The following GRK3 variants were observed in gnomAD, a reference collection of about 807,000 sequenced individuals.
GRK3 encodes the protein G protein-coupled receptor kinase 3.
In GRK3, 54 loss-of-function variants were observed where a neutral mutation model predicts 95.7. The ratio of observed to expected loss-of-function variants is 0.56; its 90% CI spans 0.45 to 0.71. The LOEUF is 0.71. Among genes scored for constraint, GRK3 ranks in the 30% least tolerant of loss-of-function variants. The pLI is 0.00. For missense variants in GRK3, 649 were observed against 851.2 expected (o/e 0.76, Z 2.96); for synonymous variants, 281 against 290.8 (o/e 0.97, Z 0.34).
chr22:25,716,871 A>G (rs2085390183), intron 18 of GRK3, among the ~76,000 whole-genome samples: 1 of 152,242 alleles, frequency 6.6e-6, no homozygotes, highest in African/African-American at 2.4e-5. Context: ...GCCTCCTGTC[A>G]GATCAGCAGT....
intron 19 of GRK3, among the ~76,000 whole-genome samples, chr22:25,719,211 C>A (rs889928925): frequency 1.3e-5 from 2 of 149,386 alleles, no homozygotes; most frequent in Admixed American, 6.6e-5. Context: ...AAAAAAAAAA[C>A]TCCATGTGTT....
intron 4 of GRK3, among the ~76,000 whole-genome samples, chr22:25,663,096 A>G (rs1019119575): frequency 2.0e-5 from 3 of 152,128 alleles, no homozygotes; most frequent in African/African-American, 7.2e-5. Flanking sequence ...TTGTTGATGA[A>G]TGTATGCATT....
At chr22:25,679,503 C>T (rs893067771) in intron 9 of GRK3, among the ~76,000 whole-genome samples, 1 of 152,186 alleles carries the variant, frequency 6.6e-6, no homozygotes, top group Non-Finnish European at 1.5e-5. Context: ...ACATGTGTGA[C>T]CCCACTTTTA....
intron 17 of GRK3, among the ~76,000 whole-genome samples, chr22:25,713,700 C>G (rs150699555): frequency 1.3e-4 from 20 of 152,292 alleles, no homozygotes; most frequent in African/African-American, 4.1e-4. Flanking sequence ...TTTCTTTGCT[C>G]ATATTCAAAA....
intron 2 of GRK3, among the ~76,000 whole-genome samples, chr22:25,632,868 A>G (rs2084673452): frequency 6.6e-6 from 1 of 152,046 alleles, no homozygotes; most frequent in Non-Finnish European, 1.5e-5. Context: ...CTTTTCTCCA[A>G]CAGCATACTG....
At chr22:25,713,535 AT>A (rs1353327173) in intron 17 of GRK3, among the ~76,000 whole-genome samples, 1 of 151,982 alleles carries the variant, frequency 6.6e-6, no homozygotes, top group Non-Finnish European at 1.5e-5. Flanking sequence ...CCTTCTCAGT[AT>A]TTTGCCTGTT....
At chr22:25,716,395 G>T (rs1389363665) in intron 18 of GRK3, among the ~76,000 whole-genome samples, 1 of 152,160 alleles carries the variant, frequency 6.6e-6, no homozygotes, top group East Asian at 1.9e-4. Context: ...TCAAGGGGGG[G>T]TCATGGTGTC....
intron 14 of GRK3, 21 bp downstream of exon 14, chr22:25,703,597 A>T (rs1432569419): frequency 6.4e-7 from 1 of 1,561,528 alleles, no homozygotes; most frequent in Admixed American, 1.7e-5. Context: ...TCAAAACTGT[A>T]TTCTTGTCTG....
chr22:25,687,935 A>C (rs1024915749), intron 11 of GRK3, among the ~76,000 whole-genome samples: 3 of 152,210 alleles, frequency 2.0e-5, no homozygotes, highest in Non-Finnish European at 4.4e-5. Context: ...TTAGTTGATT[A>C]GTTAATGAAA....
chr22:25,676,801 C>G (rs1276342688), intron 8 of GRK3, among the ~76,000 whole-genome samples: 1 of 152,072 alleles, frequency 6.6e-6, no homozygotes, highest in Middle Eastern at 3.2e-3. Flanking sequence ...TTCTATAGAT[C>G]AAGTGTAGAT....
intron 2 of GRK3, among the ~76,000 whole-genome samples, chr22:25,642,517 A>G (rs1228408013): frequency 1.3e-5 from 2 of 152,168 alleles, no homozygotes; most frequent in African/African-American, 4.8e-5. Context: ...AGGGGGTACA[A>G]GTGCAATTTT....
At chr22:25,625,258 A>G (rs1047569970) in intron 2 of GRK3, among the ~76,000 whole-genome samples, 2 of 152,226 alleles carry the variant, frequency 1.3e-5, no homozygotes, top group Non-Finnish European at 2.9e-5. Flanking sequence ...AATATCATTA[A>G]TCATTAGTTT....
intron 2 of GRK3, among the ~76,000 whole-genome samples, chr22:25,622,417 G>T (rs887530819): frequency 3.9e-5 from 6 of 152,202 alleles, no homozygotes; most frequent in Non-Finnish European, 8.8e-5. Context: ...GCTTACATAG[G>T]TTAGTTGTTT....
At chr22:25,583,651 A>C (rs1288998789) in intron 1 of GRK3, among the ~76,000 whole-genome samples, 2 of 152,204 alleles carry the variant, frequency 1.3e-5, no homozygotes, top group Non-Finnish European at 2.9e-5. Context: ...TGTCTGGCTC[A>C]GGGTAAGGAT....
intron 2 of GRK3, among the ~76,000 whole-genome samples, chr22:25,638,780 G>A (rs1386005763): frequency 6.6e-6 from 1 of 152,158 alleles, no homozygotes; most frequent in East Asian, 1.9e-4. Flanking sequence ...GAGGCATGGG[G>A]GACCCAAGGT....
At chr22:25,715,083 C>G (rs1435815903) in intron 18 of GRK3, 1 of 152,424 alleles carries the variant, frequency 6.6e-6, no homozygotes, top group African/African-American at 2.4e-5. Context: ...GTAAATGTCT[C>G]CCATTCAAGT....
rs182749030 is a variant in GRK3, at chr22:25,603,359, T to G, written c.114-1018T>G. 3.8e-3 allele frequency among the ~76,000 whole-genome samples: 581 copies of G among 152,342 alleles called. 2 individuals carry two copies. Among genetic ancestry groups the G allele is most frequent in the Admixed American group, 6.7e-3 (103 of 15,308 alleles). On this transcript the variant is annotated intron_variant, in intron 1 of 20. Transcript: ENST00000324198. ...AGATTCAATTTTCTACTTTTTCCAT[T>G]TGGATAATCACTTTTGGGGTTCAGT...
intron 1 of GRK3, among the ~76,000 whole-genome samples, chr22:25,582,208 C>T (rs1932124313): frequency 2.0e-5 from 3 of 151,478 alleles, no homozygotes; most frequent in Non-Finnish European, 2.9e-5. Context: ...ACCCAGGTAG[C>T]GGAGGTTGCA....
Position 25,723,475 on chromosome 22 carries a change from A to G in GRK3, c.*1025A>G, listed in dbSNP as rs561497125. On this transcript the variant is annotated 3_prime_UTR_variant, in exon 21 of 21. Transcript: ENST00000324198. ...GGGTTAACTGTGTATATTGACTTTC[A>G]TGTCGTCATGCATCTGTCATGAATG... 10 of 152,314 alleles carry G rather than the reference A, an allele frequency of 6.6e-5. No homozygotes were observed. Among genetic ancestry groups the G allele is most frequent in the African/African-American group, 2.2e-4 (9 of 41,564 alleles). 9.4% of individuals were successfully genotyped at this position (152,314 alleles called of 1,614,324 possible). A position where few individuals can be genotyped will look rare whatever the true frequency, so the allele number is the denominator to read the frequency against.
Sources: gnomAD v4.1 joint callset for allele counts (sites outside exome capture counted in the v4.1 genomes callset) on GRCh38, gnomAD v4.1.1 for gene constraint, MANE v1.5 for transcripts, NCBI Gene and HGNC (gene_info 2026-07-23, HGNC 2026-07-21) for gene names.